GDA: variants seen among roughly 807,000 people sequenced by gnomAD.
GDA encodes cytoplasmic PSD-95 interactor.
In GDA, 18 loss-of-function variants were observed where a neutral mutation model predicts 59.6. The ratio of observed to expected loss-of-function variants is 0.30; its 90% CI spans 0.21 to 0.45. GDA has a LOEUF of 0.45. GDA is among the 20% of genes least tolerant of loss of function. GDA has a pLI of 1.00. For synonymous variants in GDA, 201 were observed against 201.1 expected, an observed-to-expected ratio of 1.00 and a Z score of 0.00; for missense variants, 427 against 552.3, an observed-to-expected ratio of 0.77 and a Z score of 2.27.
chr9:72,153,630 C>A (rs1225770229), intron 1 of GDA, among the ~76,000 whole-genome samples: 1 of 151,066 alleles, frequency 6.6e-6, no homozygotes, highest in Non-Finnish European at 1.5e-5. Context: ...CACATATACA[C>A]CATGGAATAC....
In GDA at chr9:72,219,522, C is replaced by G. The variant is rs768390828; in HGVS notation, c.606+16C>G. The G allele has an allele frequency of 1.3e-6, 2 of 1,589,082 alleles. No individual in the cohort carries two copies. The highest frequency in any genetic ancestry group is 8.6e-7 in the Non-Finnish European group (1 of 1,162,092). The stretch of plus-strand genomic sequence containing the variant: ...CCAAAAGAACGTGAGTAACTTTGTT[C>G]AGAGCTCGCTTTTAGATTGCCTTTG... On this transcript the variant is annotated intron_variant, in intron 6 of 13. Coordinates refer to ENST00000358399, the MANE Select transcript of GDA (RefSeq NM_004293.5).
Position 72,174,024 on chromosome 9 carries a change from T to A in GDA, c.124-21476T>A, listed in dbSNP as rs191544731. Among the ~76,000 whole-genome samples the A allele has an allele frequency of 1.4e-3, 213 of 152,340 alleles. 4 individuals are homozygous for A. Among genetic ancestry groups the A allele is most frequent in the Non-Finnish European group, 4.1e-4 (28 of 68,032 alleles). On this transcript the variant is annotated intron_variant, in intron 1 of 13. Coordinates refer to ENST00000358399, the MANE Select transcript of GDA (RefSeq NM_004293.5). ...CCTGTCTCTAAGCTCTCCTCCCAAC[T>A]TACCTTACAACCATTGTTCCATTAA...
At chr9:72,216,984 C>T (rs1836218660) in intron 5 of GDA, among the ~76,000 whole-genome samples, 2 of 152,098 alleles carry the variant, frequency 1.3e-5, no homozygotes, top group African/African-American at 4.8e-5. Flanking sequence ...CCAGGAATAG[C>T]TATTAACTAA....
In GDA at chr9:72,250,500, T is replaced by G; in HGVS notation, c.*2158T>G. 1 of 1,367,882 alleles carries G rather than the reference T, an allele frequency of 7.3e-7. No individual in the cohort carries two copies. Among genetic ancestry groups the G allele is most frequent in the Non-Finnish European group, 9.4e-7 (1 of 1,060,112 alleles). 84.7% of individuals were successfully genotyped at this position (1,367,882 alleles called of 1,614,324 possible). On this transcript the variant is annotated 3_prime_UTR_variant, in exon 14 of 14. Transcript: ENST00000358399. ...GTAAAAATAGGATGTGTTGAAATAT[T>G]TATATGTACTTTGATCTCTCCACAT...
intron 10 of GDA, among the ~76,000 whole-genome samples, chr9:72,240,252 T>C (rs1839462663): frequency 6.6e-6 from 1 of 152,248 alleles, no homozygotes; most frequent in Non-Finnish European, 1.5e-5. Context: ...ACAAGTTTAT[T>C]CTAAAAGCTC....
chr9:72,193,512 G>C (rs1484257223), intron 1 of GDA, among the ~76,000 whole-genome samples: 1 of 152,236 alleles, frequency 6.6e-6, no homozygotes, highest in Non-Finnish European at 1.5e-5. Context: ...CTGAAGCTCG[G>C]GGTAGAGTGA....
intron 4 of GDA, among the ~76,000 whole-genome samples, chr9:72,213,423 G>A (rs7861301): frequency 0.08 from 12,215 of 152,168 alleles, 1,012 homozygotes; most frequent in African/African-American, 0.2. Context: ...GTTCTTAAGT[G>A]GTGTGATGGT....
intron 3 of GDA, among the ~76,000 whole-genome samples, chr9:72,206,168 AAAG>A (rs1311875556): frequency 6.6e-6 from 1 of 152,172 alleles, no homozygotes; most frequent in Non-Finnish European, 1.5e-5. Flanking sequence ...CGATTTTTTA[AAAG>A]AAGACTGCAT....
chr9:72,249,836 C>T lies in GDA; in HGVS notation c.*1494C>T. 1 of 953,826 alleles carries T rather than the reference C, an allele frequency of 1.0e-6. No homozygotes were observed. Among genetic ancestry groups the T allele is most frequent in the Non-Finnish European group, 1.2e-6 (1 of 801,364 alleles). The allele number at this position is 953,826 out of a possible 1,614,324, so 59.1% of individuals were successfully genotyped here. ...TATAGCTAACTCCGTATTTACAGAA[C>T]AAAAAAACACAGTTCCCCCTCCTGT... On this transcript the variant is annotated 3_prime_UTR_variant, in exon 14 of 14. Coordinates refer to ENST00000358399, the MANE Select transcript of GDA (RefSeq NM_004293.5).
intron 1 of GDA, among the ~76,000 whole-genome samples, chr9:72,136,803 A>C (rs1042832257): frequency 5.9e-5 from 9 of 152,026 alleles, no homozygotes; most frequent in Non-Finnish European, 1.2e-4. Flanking sequence ...GTGAAACCCC[A>C]TCTCTAGTAA....
intron 1 of GDA, among the ~76,000 whole-genome samples, chr9:72,177,924 TATA>T (rs1360150354): frequency 6.6e-6 from 1 of 152,240 alleles, no homozygotes; most frequent in Admixed American, 6.5e-5. Context: ...TGGTTAGCTG[TATA>T]ATTACATTTA....
At chr9:72,241,863 C>T (rs2131796507) in intron 11 of GDA, among the ~76,000 whole-genome samples, 1 of 152,296 alleles carries the variant, frequency 6.6e-6, no homozygotes, top group Non-Finnish European at 1.5e-5. Context: ...CACTACACTT[C>T]AGCGTGGGCA....
chr9:72,255,613 A>T (rs1359466155), downstream of GDA, among the ~76,000 whole-genome samples: 2 of 152,226 alleles, frequency 1.3e-5, no homozygotes, highest in African/African-American at 2.4e-5. Flanking sequence ...TAGTGGAACT[A>T]TGAAAGATGA....
intron 4 of GDA, 33 bp from the exon 5 acceptor site, chr9:72,213,853 T>C (rs762160874): frequency 3.1e-5 from 35 of 1,116,966 alleles, no homozygotes; most frequent in Non-Finnish European, 6.8e-6. Context: ...GAAACAAACA[T>C]GCCTTCATAT....
intron 1 of GDA, among the ~76,000 whole-genome samples, chr9:72,149,934 G>T (rs540895372): frequency 6.6e-6 from 1 of 152,234 alleles, no homozygotes; most frequent in African/African-American, 2.4e-5. Flanking sequence ...ACAGCAGTCC[G>T]GGCTGCGGTA....
chr9:72,124,112 A>C (rs1172216263), intron 1 of GDA, among the ~76,000 whole-genome samples: 1 of 152,222 alleles, frequency 6.6e-6, no homozygotes, highest in African/African-American at 2.4e-5. Flanking sequence ...CTCTAGCAAC[A>C]GGAAAAAAGA....
At position 72,225,689 on chromosome 9, in the gene GDA, GA is replaced by G; in HGVS notation, c.731del (p.Asn244IlefsTer8). 1 of 1,482,240 alleles carries G rather than the reference GA, an allele frequency of 6.7e-7. No individual in the cohort carries two copies. The highest frequency in any genetic ancestry group is 9.4e-7 in the Non-Finnish European group (1 of 1,069,294). The allele number at this position is 1,482,240 out of a possible 1,614,324, so 91.8% of individuals were successfully genotyped here. On this transcript the variant is annotated frameshift_variant, in exon 8 of 14. Transcript: ENST00000358399. LOFTEE classifies it high-confidence loss of function. ...RDLHIQSHIS[E>X]NRDEVEAVKN... ...TTTTTTCTTGTAGAGCCATATAAGT[GA>G]AAATCGTGATGAAGTTGAAGCTGTG... is the stretch of plus-strand genomic sequence containing the variant.
At position 72,251,550 on chromosome 9, in the gene GDA, T is replaced by C. The variant is rs1417534931; in HGVS notation, c.*3208T>C. ...ACATTCACACGCTTAAAAGCAATGG[T>C]GTGAGTTATTAATGGGTAAACTAAG... On this transcript the variant is annotated 3_prime_UTR_variant, in exon 14 of 14. Coordinates refer to ENST00000358399, the MANE Select transcript of GDA (RefSeq NM_004293.5). 1 of 152,130 alleles carries C rather than the reference T, an allele frequency of 6.6e-6. No individual in the cohort carries two copies. Among genetic ancestry groups the C allele is most frequent in the Non-Finnish European group, 1.5e-5 (1 of 68,020 alleles). 9.4% of individuals were successfully genotyped at this position (152,130 alleles called of 1,614,324 possible).
chr9:72,132,996 A>G (rs1826076734), intron 1 of GDA, among the ~76,000 whole-genome samples: 1 of 152,158 alleles, frequency 6.6e-6, no homozygotes. Context: ...GGTAACAAGA[A>G]ATAATTTTAG....
Sources: gnomAD v4.1 joint callset for allele counts (sites outside exome capture counted in the v4.1 genomes callset) on GRCh38, gnomAD v4.1.1 for gene constraint, MANE v1.5 for transcripts, NCBI Gene and HGNC (gene_info 2026-07-23, HGNC 2026-07-21) for gene names.